NXPH1: variants seen among roughly 807,000 people sequenced by gnomAD.
The protein encoded by NXPH1 is neurexophilin 1.
Under a neutral mutation model 23.7 loss-of-function variants are expected in NXPH1, and 5 were observed. The observed-to-expected ratio is 0.21, with a 90% CI of 0.11 to 0.44. The LOEUF is 0.44. Ranked by LOEUF, NXPH1 falls within the 20% of genes least tolerant of loss-of-function variation. The pLI is 0.99. For synonymous variants in NXPH1, 144 were observed against 122.2 expected, an observed-to-expected ratio of 1.18 and a Z score of -1.18; for missense variants, 324 against 321.6, an observed-to-expected ratio of 1.01 and a Z score of -0.06.
intron 2 of NXPH1, among the ~76,000 whole-genome samples, chr7:8,594,129 G>A (rs900865403): frequency 2.0e-5 from 3 of 151,992 alleles, no homozygotes; most frequent in East Asian, 1.9e-4. Flanking sequence ...AAAGGCCCAC[G>A]TTTTACTAGA....
intron 2 of NXPH1, among the ~76,000 whole-genome samples, chr7:8,441,717 T>C (rs564101327): frequency 6.6e-6 from 1 of 152,098 alleles, no homozygotes; most frequent in African/African-American, 2.4e-5. Flanking sequence ...TGAGATAATA[T>C]ATTTTGGCGG....
chr7:8,693,088 G>A (rs551266610), intron 2 of NXPH1, among the ~76,000 whole-genome samples: 1 of 152,182 alleles, frequency 6.6e-6, no homozygotes, highest in East Asian at 1.9e-4. Flanking sequence ...AGTGGAAATG[G>A]AACTTAAGCA....
At chr7:8,488,026 C>G (rs912401593) in intron 2 of NXPH1, among the ~76,000 whole-genome samples, 4 of 152,142 alleles carry the variant, frequency 2.6e-5, no homozygotes, top group African/African-American at 9.6e-5. Context: ...AGGTACTTAT[C>G]AGGCTCTGCC....
chr7:8,693,415 G>A (rs991854200), intron 2 of NXPH1, among the ~76,000 whole-genome samples: 5 of 152,144 alleles, frequency 3.3e-5, no homozygotes, highest in African/African-American at 1.2e-4. Context: ...TATAGAAAAT[G>A]GAGTTGTAAT....
intron 2 of NXPH1, among the ~76,000 whole-genome samples, chr7:8,684,791 G>C (rs1821119817): frequency 6.6e-6 from 1 of 152,100 alleles, no homozygotes; most frequent in Non-Finnish European, 1.5e-5. Context: ...ATTTTGTTTA[G>C]CTATTGAAAT....
intron 2 of NXPH1, among the ~76,000 whole-genome samples, chr7:8,468,610 C>G (rs767687034): frequency 6.6e-6 from 1 of 151,994 alleles, no homozygotes; most frequent in African/African-American, 2.4e-5. Flanking sequence ...GCCTGGGATT[C>G]TTTTCTGTAC....
At chr7:8,479,586 C>G (rs748310173) in intron 2 of NXPH1, among the ~76,000 whole-genome samples, 7 of 152,106 alleles carry the variant, frequency 4.6e-5, no homozygotes, top group Non-Finnish European at 1.5e-5. Context: ...TCCTAGCATC[C>G]AGATCGTGGT....
chr7:8,539,091 T>C (rs536298132), intron 2 of NXPH1, among the ~76,000 whole-genome samples: 1 of 151,860 alleles, frequency 6.6e-6, no homozygotes, highest in Non-Finnish European at 1.5e-5. Flanking sequence ...GACAAAGTTA[T>C]GCAAACACTG....
intron 2 of NXPH1, among the ~76,000 whole-genome samples, chr7:8,536,909 A>G (rs1018780505): frequency 6.6e-6 from 1 of 151,978 alleles, no homozygotes; most frequent in African/African-American, 2.4e-5. Flanking sequence ...TGGTGGTGCC[A>G]TTCACTGAGA....
At chr7:8,702,993 C>G (rs759122631) in intron 2 of NXPH1, among the ~76,000 whole-genome samples, 1 of 152,072 alleles carries the variant, frequency 6.6e-6, no homozygotes, top group African/African-American at 2.4e-5. Context: ...AGATGGCCTC[C>G]TGTTAGTTTC....
At chr7:8,436,685 G>A (rs1342305545) in intron 2 of NXPH1, among the ~76,000 whole-genome samples, 1 of 152,210 alleles carries the variant, frequency 6.6e-6, no homozygotes, top group South Asian at 2.1e-4. Flanking sequence ...GTTGTGTTCA[G>A]TGTCCCGACC....
chr7:8,671,761 C>G (rs16874070), intron 2 of NXPH1, among the ~76,000 whole-genome samples: 5,805 of 152,230 alleles, frequency 0.038, 263 homozygotes, highest in African/African-American at 0.11. Flanking sequence ...CATTTCTAAA[C>G]AGTGTTTTAG....
At chr7:8,634,595 G>A (rs950895094) in intron 2 of NXPH1, among the ~76,000 whole-genome samples, 1 of 150,176 alleles carries the variant, frequency 6.7e-6, no homozygotes, top group African/African-American at 2.4e-5. Flanking sequence ...TACAAAGCAA[G>A]AGGTATAAAA....
At chr7:8,669,681 G>T (rs1421466054) in intron 2 of NXPH1, among the ~76,000 whole-genome samples, 1 of 152,016 alleles carries the variant, frequency 6.6e-6, no homozygotes, top group Non-Finnish European at 1.5e-5. Flanking sequence ...ACTGGAGTGA[G>T]CCTGGTGTTG....
At chr7:8,657,880 T>C (rs867942769) in intron 2 of NXPH1, among the ~76,000 whole-genome samples, 4 of 152,108 alleles carry the variant, frequency 2.6e-5, no homozygotes, top group Admixed American at 6.5e-5. Context: ...ATGCAAAAAT[T>C]AGCTGGGTGT....
intron 2 of NXPH1, among the ~76,000 whole-genome samples, chr7:8,671,263 G>T (rs906278687): frequency 5.9e-5 from 9 of 152,256 alleles, no homozygotes; most frequent in African/African-American, 2.2e-4. Context: ...ATGTTAAGAA[G>T]AACATATGTT....
chr7:8,661,758 G>A (rs1205950852), intron 2 of NXPH1, among the ~76,000 whole-genome samples: 3 of 152,040 alleles, frequency 2.0e-5, no homozygotes, highest in Admixed American at 2.0e-4. Context: ...AAGTATAAAG[G>A]TAGTACTCAG....
At chr7:8,655,427 T>TATACACA (rs1349123901) in intron 2 of NXPH1, among the ~76,000 whole-genome samples, 1 of 72,102 alleles carries the variant, frequency 1.4e-5, no homozygotes, top group Non-Finnish European at 2.8e-5. Context: ...TCTCTCTCTC[T>TATACACA]CTCTCTCTCT....
chr7:8,739,642 C>T (rs574458698), intron 2 of NXPH1, among the ~76,000 whole-genome samples: 2 of 152,138 alleles, frequency 1.3e-5, no homozygotes, highest in Admixed American at 6.5e-5. Flanking sequence ...TTTAAAATAA[C>T]CTTAGCATAC....
Sources: allele counts gnomAD v4.1 joint callset (sites outside exome capture counted in the v4.1 genomes callset), GRCh38; gene constraint gnomAD v4.1.1; transcripts MANE v1.5; gene names NCBI Gene and HGNC (gene_info 2026-07-23, HGNC 2026-07-21).